NEK9: variants seen among roughly 807,000 people sequenced by gnomAD.
NEK9 encodes serine/threonine-protein kinase Nek9.
Under a neutral mutation model 123.4 loss-of-function variants are expected in NEK9, and 75 were observed. The ratio of observed to expected loss-of-function variants is 0.61; its 90% CI spans 0.50 to 0.74. The LOEUF is 0.74. NEK9 is among the 30% of genes least tolerant of loss of function. The pLI, the probability that NEK9 is intolerant of heterozygous loss-of-function variation, is 0.00. For synonymous variants in NEK9, 438 were observed against 458.7 expected, an observed-to-expected ratio of 0.95 and a Z score of 0.58; for missense variants, 952 against 1,214.4, an observed-to-expected ratio of 0.78 and a Z score of 3.21.
intron 16 of NEK9, among the ~76,000 whole-genome samples, chr14:75,099,990 G>A (rs534574921): frequency 6.6e-6 from 1 of 150,590 alleles, no homozygotes; most frequent in Admixed American, 6.6e-5. Flanking sequence ...TTAGCTGGAC[G>A]TGGTGGTTTG....
Position 75,103,835 on chromosome 14 carries a change from C to A in NEK9, c.1731+7G>T. On this transcript the variant is annotated splice_region_variant and intron_variant, in intron 14 of 21. Transcript: ENST00000238616. Reference sequence around the variant, plus strand: ...GATGTGGTTAGAACACCAATCAGGACACTCACTTCATGGTTGATAATTCCC... The same window carrying A: ...GATGTGGTTAGAACACCAATCAGGAAACTCACTTCATGGTTGATAATTCCC... 1 of 1,603,826 alleles carries A rather than the reference C, an allele frequency of 6.2e-7. No homozygotes were observed. Among genetic ancestry groups the A allele is most frequent in the South Asian group, 1.1e-5 (1 of 88,968 alleles).
intron 16 of NEK9, among the ~76,000 whole-genome samples, chr14:75,099,506 G>A (rs9805979): frequency 0.44 from 67,513 of 151,966 alleles, 16,374 homozygotes; most frequent in East Asian, 0.84. Context: ...GAGTGACCAG[G>A]AGTGGTGGCT....
chr14:75,107,531 T>C (rs745747203), intron 10 of NEK9, 44 bp from the exon 11 acceptor site: 41 of 1,475,088 alleles, frequency 2.8e-5, no homozygotes, highest in Non-Finnish European at 3.7e-5. Flanking sequence ...TTAATTACAT[T>C]TTATTAAACT....
chr14:75,083,580 A>C lies in NEK9; in HGVS notation c.*984T>G, dbSNP rs1240870582. The C allele has an allele frequency of 6.6e-6, 1 of 152,356 alleles. No homozygotes were observed. Among genetic ancestry groups the C allele is most frequent in the Non-Finnish European group, 1.5e-5 (1 of 68,208 alleles). The allele number at this position is 152,356 out of a possible 1,614,324, so 9.4% of individuals were successfully genotyped here. A position where few individuals can be genotyped will look rare whatever the true frequency, so the allele number is the denominator to read the frequency against. Reference sequence around the variant, plus strand: ...AATACTGACTAGACATTCAGAAAGAAAGTGGTTGGGGCTGCTGATATCAAG... The same window carrying C: ...AATACTGACTAGACATTCAGAAAGACAGTGGTTGGGGCTGCTGATATCAAG... On this transcript the variant is annotated 3_prime_UTR_variant, in exon 22 of 22. Coordinates refer to ENST00000238616, the MANE Select transcript of NEK9 (RefSeq NM_033116.6).
chr14:75,114,018 G>A (rs556923728), intron 7 of NEK9, among the ~76,000 whole-genome samples, 185 bp downstream of exon 7: 1 of 152,272 alleles, frequency 6.6e-6, no homozygotes, highest in East Asian at 1.9e-4. Flanking sequence ...AATGAAGTAA[G>A]AATTTGTTCA....
rs1894091953 is a variant in NEK9, at chr14:75,088,370, T to A, written c.2604+110A>T. On this transcript the variant is annotated intron_variant, in intron 20 of 21. Coordinates refer to ENST00000238616, the MANE Select transcript of NEK9 (RefSeq NM_033116.6). ...ACTGCTGAATAGACAGTATAATGAG[T>A]TGATGCAGGGCAGCTGAAACCCAAA... 6 of 1,033,150 alleles carry A rather than the reference T, an allele frequency of 5.8e-6. No homozygotes were observed. The East Asian group carries it at 1.2e-4, about 21-fold the overall frequency. The allele number at this position is 1,033,150 out of a possible 1,614,324, so 64.0% of individuals were successfully genotyped here. A position where few individuals can be genotyped will look rare whatever the true frequency, so the allele number is the denominator to read the frequency against.
intron 1 of NEK9, 73 bp from the exon 2 acceptor site, chr14:75,124,296 A>G: frequency 7.0e-7 from 1 of 1,428,456 alleles, no homozygotes; most frequent in Non-Finnish European, 9.7e-7. Flanking sequence ...TAGATCTGTA[A>G]GCCTAGAAGG....
chr14:75,094,005 G>A (rs1894301705), intron 18 of NEK9, among the ~76,000 whole-genome samples: 1 of 152,106 alleles, frequency 6.6e-6, no homozygotes, highest in Admixed American at 6.5e-5. Context: ...TCCCACCAAT[G>A]GACATTTGCT....
In NEK9 at chr14:75,107,351, C is replaced by G. The variant is rs145726411; in HGVS notation, c.1319G>C (p.Cys440Ser). 2 of 1,612,968 alleles carry G rather than the reference C, an allele frequency of 1.2e-6. No homozygotes were observed. The highest frequency in any genetic ancestry group is 2.7e-5 in the African/African-American group (2 of 74,816). ...QVSCGDDFTV[C>S]VTDEGQLYAF... Reference sequence around the variant, plus strand: ...TTCTGCTGATGGCTTACCAGTCACACAGACAGTGAAATCATCACCACATGA... The same window carrying G: ...TTCTGCTGATGGCTTACCAGTCACAGAGACAGTGAAATCATCACCACATGA... The change falls in exon 11 of 22, where the codon TGT (cysteine) becomes TCT (serine). Residue 440 changes from cysteine to serine, a missense_variant. By Grantham distance (112) the Cys-to-Ser change is moderately radical. Around this residue, in one of 4 missense-constraint regions of NEK9, gnomAD observed 698 missense variants for 875.6 expected, o/e 0.80. Coordinates refer to ENST00000238616, the MANE Select transcript of NEK9 (RefSeq NM_033116.6).
At position 75,114,215 on chromosome 14, in the gene NEK9, C is replaced by G. The variant is rs143703209; in HGVS notation, c.861G>C (p.Ser287=). 19 of 1,612,606 alleles carry G rather than the reference C, an allele frequency of 1.2e-5. No homozygotes were observed. Among genetic ancestry groups the G allele is most frequent in the Non-Finnish European group, 1.4e-5 (17 of 1,178,752 alleles). Residue 287 remains serine (S), a synonymous_variant, in exon 7 of 22, where the codon TCG becomes TCC. Coordinates refer to ENST00000238616, the MANE Select transcript of NEK9 (RefSeq NM_033116.6). The stretch of plus-strand genomic sequence containing the variant: ...AAGTCACACCTACCTGGTCAAGGCA[C>G]GAATGAACCATTTGGATCAATTCCA... The part of the protein sequence containing the change: ...YSLELIQMVH[S]CLDQDPEQRP...
rs765840671 is a variant in NEK9, at chr14:75,084,200, C to G, written c.*364G>C. ...CTGAATTCCCAAGGCAGCTTCCAATCAATGGTGAAAATGATACATGGGATA... is the reference window on the plus strand; with the variant it reads ...CTGAATTCCCAAGGCAGCTTCCAATGAATGGTGAAAATGATACATGGGATA... On this transcript the variant is annotated 3_prime_UTR_variant, in exon 22 of 22. Transcript: ENST00000238616. The G allele has an allele frequency of 3.0e-5, 6 of 200,598 alleles. No individual in the cohort carries two copies. Among genetic ancestry groups the G allele is most frequent in the Non-Finnish European group, 6.3e-5 (6 of 95,794 alleles). 12.4% of individuals were successfully genotyped at this position (200,598 alleles called of 1,614,324 possible).
At position 75,103,884 on chromosome 14, in the gene NEK9, C is replaced by G. The variant is rs1474313494; in HGVS notation, c.1689G>C (p.Lys563Asn). ...CCGACATGCACTGATTCAGACCCAG[C>G]TTATTGAATTCATTGAGTCCACAGG... ...VLACGLNEFN[K>N]LGLNQCMSGI... Residue 563 changes from lysine to asparagine, a missense_variant, in exon 14 of 22, where the codon AAG becomes AAC. Physicochemically the swap from Lys to Asn is moderately conservative, Grantham distance 94 (BLOSUM62 0). Transcript: ENST00000238616. 6.2e-7 allele frequency: 1 copy of G among 1,613,930 alleles called. No individual in the cohort carries two copies. Among genetic ancestry groups the G allele is most frequent in the Non-Finnish European group, 8.5e-7 (1 of 1,179,984 alleles).
At chr14:75,121,807 T>C (rs931187093) in intron 2 of NEK9, among the ~76,000 whole-genome samples, 1 of 152,040 alleles carries the variant, frequency 6.6e-6, no homozygotes, top group Non-Finnish European at 1.5e-5. Flanking sequence ...GAGGCGGAGG[T>C]TGCAGTGAGC....
At chr14:75,085,455 C>T (rs1398603854) in intron 21 of NEK9, among the ~76,000 whole-genome samples, 1 of 152,230 alleles carries the variant, frequency 6.6e-6, no homozygotes, top group Non-Finnish European at 1.5e-5. Flanking sequence ...AAGGGCCTAA[C>T]CCTATTTCTC....
At chr14:75,117,351 G>T in intron 5 of NEK9, 25 bp from the exon 6 acceptor site, 1 of 1,586,320 alleles carries the variant, frequency 6.3e-7, no homozygotes. Context: ...AACAATCAAA[G>T]AATAACTTCT....
At chr14:75,103,373 T>A (rs576198582) in intron 14 of NEK9, among the ~76,000 whole-genome samples, 24 of 152,286 alleles carry the variant, frequency 1.6e-4, no homozygotes, top group African/African-American at 2.2e-4. Context: ...TGTTTTTTTT[T>A]ATAACATTAA....
chr14:75,113,599 T>C (rs1895028104), intron 7 of NEK9, among the ~76,000 whole-genome samples, 196 bp from the exon 8 acceptor site: 1 of 152,216 alleles, frequency 6.6e-6, no homozygotes, highest in Non-Finnish European at 1.5e-5. Flanking sequence ...ATAATGCATC[T>C]TCCTCACTTG....
At position 75,121,133 on chromosome 14, in the gene NEK9, A is replaced by G. The variant is rs780598668; in HGVS notation, c.439T>C (p.Leu147=). Residue 147 remains leucine (L), a synonymous_variant, in exon 3 of 22, where the codon TTG becomes CTG. Transcript: ENST00000238616. ...YDKILRQKDK[L]FEEEMVVWYL... is the part of the protein sequence containing the mutation. ...ATATGAATTACCTCTTCCTCAAACA[A>G]CTTGTCCTTCTGACGAAGGATTTTG... 1 of 1,613,082 alleles carries G rather than the reference A, an allele frequency of 6.2e-7. No homozygotes were observed. The highest frequency in any genetic ancestry group is 8.5e-7 in the Non-Finnish European group (1 of 1,179,086).
At chr14:75,116,940 G>A (rs376840151) in intron 6 of NEK9, among the ~76,000 whole-genome samples, 135 of 152,136 alleles carry the variant, frequency 8.9e-4, no homozygotes, top group African/African-American at 3.2e-3. Context: ...TAATGGAGAC[G>A]GGGTTTCACC....
Sources: gnomAD v4.1 joint callset for allele counts (sites outside exome capture counted in the v4.1 genomes callset) on GRCh38, gnomAD v4.1.1 for gene constraint, gnomAD v4.1.1 regional missense constraint, MANE v1.5 for transcripts, NCBI Gene and HGNC (gene_info 2026-07-23, HGNC 2026-07-21) for gene names.